The following KCNA6 variants were observed in gnomAD, a reference collection of about 807,000 sequenced individuals.
KCNA6 encodes potassium voltage-gated channel subfamily A member 6.
A neutral mutation model predicts 29.5 loss-of-function variants in KCNA6; 17 were observed. That is an observed-to-expected ratio of 0.58 (90% CI 0.39 to 0.86). KCNA6 has a LOEUF of 0.86. Among genes scored for constraint, KCNA6 ranks in the 40% least tolerant of loss-of-function variants. The probability of loss-of-function intolerance (pLI) is 0.00; values close to 1 mark genes in which losing one functional copy is unlikely to be tolerated. For missense variants in KCNA6, 450 were observed against 703.4 expected, an observed-to-expected ratio of 0.64 and a Z score of 4.07; for synonymous variants, 296 against 304.7, an observed-to-expected ratio of 0.97 and a Z score of 0.30.
exon 1 of KCNA6, chr12:4,809,876 G>A (rs1203120174): frequency 1.3e-6 from 1 of 744,126 alleles, no homozygotes; most frequent in Non-Finnish European, 2.1e-6. Context: ...CAGGGACCAG[G>A]GCTTTAGGGC....
downstream of KCNA6, among the ~76,000 whole-genome samples, chr12:4,815,022 A>T (rs901476103): frequency 6.6e-6 from 1 of 151,932 alleles, no homozygotes; most frequent in African/African-American, 2.4e-5. Context: ...GTAAAAAATT[A>T]TCTCTTTTTC....
At chr12:4,850,484 G>A in the KCNA6 span, among the ~76,000 whole-genome samples, 6 of 152,238 alleles carry the variant, frequency 3.9e-5, no homozygotes, top group Admixed American at 2.0e-4. The surrounding 1 kb of genome is among the most constrained non-coding windows in gnomAD (Gnocchi z 5.4). Flanking sequence ...AGGACAACAC[G>A]GGCAGAAATG....
At chr12:4,835,125 CAG>C in the KCNA6 span, among the ~76,000 whole-genome samples, 602 of 144,670 alleles carry the variant, frequency 4.2e-3, 7 homozygotes, top group South Asian at 0.016. Context: ...TTCTAAGAAA[CAG>C]AGAATGATTT....
the KCNA6 span, among the ~76,000 whole-genome samples, chr12:4,820,130 TA>T: frequency 7.2e-5 from 11 of 152,242 alleles, no homozygotes; most frequent in African/African-American, 2.7e-4. Flanking sequence ...AGACTCAGGA[TA>T]GCTAGCTATT....
chr12:4,813,966 A>T (rs1946657912), downstream of KCNA6: 1 of 167,016 alleles, frequency 6.0e-6, no homozygotes, highest in Admixed American at 6.5e-5. Flanking sequence ...AACCTTCCAG[A>T]CTGTTCTCTC....
chr12:4,834,409 G>A, the KCNA6 span, among the ~76,000 whole-genome samples: 5 of 152,144 alleles, frequency 3.3e-5, no homozygotes, highest in African/African-American at 1.2e-4. Context: ...TTGATATTAA[G>A]CCTATAATGT....
chr12:4,848,916 T>C, the KCNA6 span, among the ~76,000 whole-genome samples: 3 of 151,804 alleles, frequency 2.0e-5, no homozygotes, highest in South Asian at 2.1e-4. Context: ...GAGATCGAGA[T>C]TGAGACCATC....
chr12:4,816,176 C>T (rs1205156795), downstream of KCNA6, among the ~76,000 whole-genome samples: 2 of 151,454 alleles, frequency 1.3e-5, no homozygotes, highest in Non-Finnish European at 1.5e-5. Context: ...CAGTTTTTTT[C>T]TTCTGCCACA....
At chr12:4,834,609 T>G in the KCNA6 span, among the ~76,000 whole-genome samples, 20,366 of 152,090 alleles carry the variant, frequency 0.13, 1,765 homozygotes, top group African/African-American at 0.23. Flanking sequence ...TGTTCATGCC[T>G]TATCACCAGT....
the KCNA6 span, among the ~76,000 whole-genome samples, chr12:4,820,607 C>T: frequency 2.2e-5 from 3 of 137,838 alleles, no homozygotes; most frequent in Admixed American, 2.2e-4. Context: ...AAAAATAACT[C>T]TTCATTTTCT....
At chr12:4,845,516 A>G in the KCNA6 span, among the ~76,000 whole-genome samples, 4 of 152,316 alleles carry the variant, frequency 2.6e-5, no homozygotes, top group East Asian at 1.9e-4. Flanking sequence ...GGTGTTGGAC[A>G]TTAGGCACAC....
the KCNA6 span, among the ~76,000 whole-genome samples, chr12:4,828,245 C>T: frequency 2.0e-5 from 3 of 152,050 alleles, no homozygotes; most frequent in African/African-American, 7.2e-5. Context: ...ATTTCTCCCC[C>T]AGACTAACTT....
At chr12:4,813,552 T>G (rs2137577805), downstream of KCNA6, 1 of 167,224 alleles carries the variant, frequency 6.0e-6, no homozygotes, top group South Asian at 2.1e-4. Flanking sequence ...GCCTTTCTTC[T>G]TACCCTTCAG....
At chr12:4,849,489 CTTTTTTTTTTTT>C in the KCNA6 span, among the ~76,000 whole-genome samples, 923 of 101,424 alleles carry the variant, frequency 9.1e-3, 17 homozygotes, top group African/African-American at 0.035. Flanking sequence ...GATTTTTGCT[CTTTTTTTTTTTT>C]TTTTTTTTTT....
the KCNA6 span, chr12:4,850,911 A>G: frequency 2.4e-6 from 1 of 423,898 alleles, no homozygotes; most frequent in South Asian, 1.7e-5. The surrounding 1 kb of genome is among the most constrained non-coding windows in gnomAD (Gnocchi z 5.4). Context: ...GAAAAAGTTG[A>G]GACCAGACCC....
the KCNA6 span, among the ~76,000 whole-genome samples, chr12:4,821,639 T>C: frequency 6.6e-6 from 1 of 152,176 alleles, no homozygotes; most frequent in African/African-American, 2.4e-5. Context: ...TAAGAAATAC[T>C]GGAATATTTC....
At chr12:4,824,018 G>C in the KCNA6 span, among the ~76,000 whole-genome samples, 31 of 152,316 alleles carry the variant, frequency 2.0e-4, no homozygotes, top group South Asian at 6.4e-3. Flanking sequence ...TCAGCTCCCA[G>C]TGCTGTTCCC....
chr12:4,809,732 T>G, exon 1 of KCNA6: 1 of 301,246 alleles, frequency 3.3e-6, no homozygotes, highest in Non-Finnish European at 6.1e-6. Flanking sequence ...CACGCGTCTT[T>G]TCGGGCAGCC....
At position 4,810,280 on chromosome 12, in the gene KCNA6, T is replaced by C. The variant is rs747764449; in HGVS notation, c.239T>C (p.Leu80Pro). ...CGGCGAGTCCGCTTCTTCGACCCCCTGAGGAACGAGTACTTCTTCGACCGC... is the reference window on the plus strand; with the variant it reads ...CGGCGAGTCCGCTTCTTCGACCCCCCGAGGAACGAGTACTTCTTCGACCGC... Residue 80 changes from leucine (L) to proline (P), a missense_variant, in exon 1 of 1, where the codon CTG becomes CCG. Physicochemically the swap from Leu to Pro is moderately conservative, Grantham distance 98 (BLOSUM62 -3). Transcript: ENST00000280684. This position sits in a 1 kb window ranked among gnomAD's most constrained non-coding sequence, Gnocchi z 7.5. 6.2e-7 allele frequency: 1 copy of C among 1,614,014 alleles called. No individual in the cohort carries two copies. The highest frequency in any genetic ancestry group is 8.5e-7 in the Non-Finnish European group (1 of 1,180,016).
Sources: gnomAD v4.1 joint callset for allele counts (sites outside exome capture counted in the v4.1 genomes callset) on GRCh38, gnomAD v4.1.1 for gene constraint, Gnocchi (gnomAD v3.1) non-coding constraint, MANE v1.5 for transcripts, NCBI Gene and HGNC (gene_info 2026-07-23, HGNC 2026-07-21) for gene names.